IGF2BP2: variants seen among roughly 807,000 people sequenced by gnomAD.
The protein encoded by IGF2BP2 is insulin like growth factor 2 mRNA binding protein 2.
In IGF2BP2, 17 loss-of-function variants were observed where a neutral mutation model predicts 75.8. That is an observed-to-expected ratio of 0.22 (90% CI 0.15 to 0.34). The LOEUF is 0.34. IGF2BP2 is among the 10% of genes least tolerant of loss of function. IGF2BP2 has a pLI of 1.00. For missense variants in IGF2BP2, 516 were observed against 772.4 expected, an observed-to-expected ratio of 0.67 and a Z score of 3.93; for synonymous variants, 288 against 295.6, an observed-to-expected ratio of 0.97 and a Z score of 0.26.
chr3:185,809,077 C>T (rs192309760), intron 2 of IGF2BP2, among the ~76,000 whole-genome samples: 6 of 151,616 alleles, frequency 4.0e-5, no homozygotes, highest in African/African-American at 1.2e-4. Flanking sequence ...TTGCAATAAG[C>T]GAATAGCTAG....
intron 15 of IGF2BP2, among the ~76,000 whole-genome samples, chr3:185,646,140 G>C (rs775998818): frequency 5.3e-5 from 8 of 152,204 alleles, no homozygotes; most frequent in Non-Finnish European, 1.2e-4. Context: ...CTGAACTCCT[G>C]TAGGAACAGG....
intron 2 of IGF2BP2, among the ~76,000 whole-genome samples, chr3:185,710,158 T>TA (rs1491202867): frequency 4.2e-5 from 6 of 142,642 alleles, no homozygotes; most frequent in African/African-American, 1.5e-4. Flanking sequence ...TTAGATTTTT[T>TA]TTTTTTTTTT....
rs1005347611 is a variant in IGF2BP2 at position 185,693,992 on chromosome 3, C to T, written c.341-1230G>A. On this transcript the variant is annotated intron_variant, in intron 4 of 15. Coordinates refer to ENST00000382199, the MANE Select transcript of IGF2BP2 (RefSeq NM_006548.6). ...AGATTTGCAAAGGGACCTGAGACCC[C>T]GAAAAGCTTAAGGACTACTGTTAAA... is the stretch of plus-strand genomic sequence containing the variant. Among the ~76,000 whole-genome samples, 6 of 152,186 alleles carry T rather than the reference C, an allele frequency of 3.9e-5. No individual in the cohort carries two copies. In the East Asian group the frequency reaches 7.7e-4, roughly 20 times the overall value.
At chr3:185,669,888 G>T (rs1718255088) in intron 10 of IGF2BP2, among the ~76,000 whole-genome samples, 1 of 152,168 alleles carries the variant, frequency 6.6e-6, no homozygotes, top group African/African-American at 2.4e-5. Context: ...GGGCCCACCA[G>T]GGAAGCCCAC....
In IGF2BP2 at chr3:185,660,932, C is replaced by T. The variant is rs376959158; in HGVS notation, c.1201-2523G>A. On this transcript the variant is annotated intron_variant, in intron 10 of 15. Coordinates refer to ENST00000382199, the MANE Select transcript of IGF2BP2 (RefSeq NM_006548.6). Reference sequence around the variant, plus strand: ...TTTCCTTACAAAACTCATGTGAGGCCGGGAATAGACAAGCCACAGTGTGGC... The same window carrying T: ...TTTCCTTACAAAACTCATGTGAGGCTGGGAATAGACAAGCCACAGTGTGGC... Among the ~76,000 whole-genome samples, 59 of 152,230 alleles carry T rather than the reference C, an allele frequency of 3.9e-4. 1 individual carries two copies. Among genetic ancestry groups the T allele is most frequent in the African/African-American group, 1.3e-3 (54 of 41,516 alleles).
At chr3:185,648,318 C>T (rs1663823916) in intron 14 of IGF2BP2, among the ~76,000 whole-genome samples, 1 of 151,990 alleles carries the variant, frequency 6.6e-6, no homozygotes, top group South Asian at 2.1e-4. Context: ...AAAAAATTAG[C>T]TGGGCATGGT....
intron 2 of IGF2BP2, among the ~76,000 whole-genome samples, chr3:185,784,259 T>TAGACAGAC (rs1215884183): frequency 3.7e-5 from 4 of 107,356 alleles, no homozygotes; most frequent in African/African-American, 2.1e-4. Flanking sequence ...AGTAGATAGA[T>TAGACAGAC]AGATAGATAG....
chr3:185,690,181 T>G (rs945441700), intron 5 of IGF2BP2, among the ~76,000 whole-genome samples: 9 of 152,150 alleles, frequency 5.9e-5, no homozygotes, highest in Non-Finnish European at 1.2e-4. Flanking sequence ...TACAGCCTGG[T>G]TTCTCCACCA....
At chr3:185,816,957 T>C (rs1446117140) in intron 2 of IGF2BP2, among the ~76,000 whole-genome samples, 1 of 152,156 alleles carries the variant, frequency 6.6e-6, no homozygotes, top group East Asian at 1.9e-4. Context: ...TACATGACAA[T>C]AAGAAAAACT....
At chr3:185,723,527 G>A (rs1726876738) in intron 2 of IGF2BP2, among the ~76,000 whole-genome samples, 1 of 152,194 alleles carries the variant, frequency 6.6e-6, no homozygotes, top group African/African-American at 2.4e-5. Flanking sequence ...CCACCCCAGT[G>A]TCTCTGTTGG....
intron 15 of IGF2BP2, among the ~76,000 whole-genome samples, chr3:185,646,079 C>A (rs553474930): frequency 6.6e-6 from 1 of 152,290 alleles, no homozygotes; most frequent in Admixed American, 6.5e-5. Context: ...TGAACCCCCA[C>A]CTGTCCCCTC....
chr3:185,664,170 C>T (rs1159019898), intron 10 of IGF2BP2, among the ~76,000 whole-genome samples: 3 of 152,148 alleles, frequency 2.0e-5, no homozygotes, highest in Non-Finnish European at 2.9e-5. Flanking sequence ...CATGGGACAA[C>T]CTTAGAAGCT....
chr3:185,699,142 AC>A (rs1288358149), intron 2 of IGF2BP2, among the ~76,000 whole-genome samples: 1 of 152,190 alleles, frequency 6.6e-6, no homozygotes, highest in Non-Finnish European at 1.5e-5. Flanking sequence ...GTTTTCAATT[AC>A]TTTGGAAAAA....
intron 2 of IGF2BP2, among the ~76,000 whole-genome samples, chr3:185,820,235 TACACACACAC>T (rs202064714): frequency 7.3e-4 from 75 of 102,820 alleles, no homozygotes; most frequent in African/African-American, 8.8e-4. Context: ...TATATACACA[TACACACACAC>T]ACACACACAC....
rs189914277 is a variant in IGF2BP2 at position 185,747,185 on chromosome 3, A to C, written c.240-48838T>G. ...ATTATCCACTTTCAGCTTCTAACTT[A>C]ACAATTTATAAATAGCTACCGTTTT... On this transcript the variant is annotated intron_variant, in intron 2 of 15. Transcript: ENST00000382199. Among the ~76,000 whole-genome samples the C allele has an allele frequency of 2.6e-3, 393 of 152,372 alleles. 3 individuals are homozygous for C. Among genetic ancestry groups the C allele is most frequent in the Non-Finnish European group, 3.5e-3 (238 of 68,038 alleles).
At chr3:185,755,199 C>T (rs1370034335) in intron 2 of IGF2BP2, among the ~76,000 whole-genome samples, 1 of 152,202 alleles carries the variant, frequency 6.6e-6, no homozygotes, top group Non-Finnish European at 1.5e-5. Flanking sequence ...CAATGCCCTG[C>T]ACCACCTCAG....
chr3:185,697,032 G>C (rs1395652345), intron 3 of IGF2BP2, among the ~76,000 whole-genome samples: 1 of 152,182 alleles, frequency 6.6e-6, no homozygotes, highest in East Asian at 1.9e-4. Flanking sequence ...TCTTTTACAA[G>C]GATCTCTTCA....
chr3:185,805,559 C>T (rs967494429), intron 2 of IGF2BP2, among the ~76,000 whole-genome samples: 5 of 151,732 alleles, frequency 3.3e-5, no homozygotes, highest in Admixed American at 2.0e-4. Context: ...TCCCCAAGGC[C>T]GAGATTATAC....
At chr3:185,743,795 T>C (rs1729886583) in intron 2 of IGF2BP2, among the ~76,000 whole-genome samples, 1 of 152,200 alleles carries the variant, frequency 6.6e-6, no homozygotes, top group Non-Finnish European at 1.5e-5. Context: ...AAACTCCTGC[T>C]TGGAATTCTG....
Sources: allele counts gnomAD v4.1 joint callset (sites outside exome capture counted in the v4.1 genomes callset), GRCh38; gene constraint gnomAD v4.1.1; transcripts MANE v1.5; gene names NCBI Gene and HGNC (gene_info 2026-07-23, HGNC 2026-07-21).